Variants in SPECC1L observed in about 807,000 individuals in gnomAD.
SPECC1L encodes sperm antigen with calponin homology and coiled-coil domains 1 like, also known as cytospin-A.
SPECC1L carries 40 observed loss-of-function variants against 116.8 expected under a neutral mutation model. The observed-to-expected ratio is 0.34, with a 90% CI of 0.27 to 0.45. SPECC1L has a LOEUF of 0.45. Ranked by LOEUF, SPECC1L falls within the 20% of genes least tolerant of loss-of-function variation. The pLI is 1.00. For missense variants in SPECC1L, 1,110 were observed against 1,373.6 expected (o/e 0.81, Z 3.03); for synonymous variants, 504 against 500.6 (o/e 1.01, Z -0.09).
chr22:24,328,613 G>T (rs2040875772), intron 6 of SPECC1L, among the ~76,000 whole-genome samples: 1 of 152,170 alleles, frequency 6.6e-6, no homozygotes, highest in South Asian at 2.1e-4. Flanking sequence ...AGATACTGTG[G>T]AAGGAAGTGA....
chr22:24,414,497 C>T, intron 16 of SPECC1L, 37 bp from the exon 17 acceptor site: 1 of 1,581,050 alleles, frequency 6.3e-7, no homozygotes, highest in Non-Finnish European at 8.7e-7. Flanking sequence ...CTGGAGGTGA[C>T]CTGCAGTTCT....
chr22:24,349,699 G>A lies in SPECC1L; in HGVS notation c.2743+2523G>A, dbSNP rs2099443. Reference sequence around the variant, plus strand: ...AACCTTGGAGTCATCCTTAACTCCCGTCTTCATCTTAGACTTGTTCAGTTG... The same window carrying A: ...AACCTTGGAGTCATCCTTAACTCCCATCTTCATCTTAGACTTGTTCAGTTG... On this transcript the variant is annotated intron_variant, in intron 11 of 16. Transcript: ENST00000314328. Among the ~76,000 whole-genome samples the A allele has an allele frequency of 3.5e-3, 536 of 151,946 alleles. 1 individual carries two copies. The highest frequency in any genetic ancestry group is 0.01 in the Middle Eastern group (3 of 292).
At chr22:24,341,111 T>C (rs550843312) in intron 10 of SPECC1L, among the ~76,000 whole-genome samples, 19 of 152,150 alleles carry the variant, frequency 1.2e-4, no homozygotes, top group South Asian at 4.2e-4. Context: ...AGAAAACCAA[T>C]TGGATCTGAG....
chr22:24,389,817 G>A (rs1483545935), intron 14 of SPECC1L, among the ~76,000 whole-genome samples: 1 of 152,116 alleles, frequency 6.6e-6, no homozygotes, highest in Admixed American at 6.6e-5. Flanking sequence ...ATTGTATGAA[G>A]TATTAAGTAT....
chr22:24,354,355 T>A (rs2041485634), intron 11 of SPECC1L, among the ~76,000 whole-genome samples: 1 of 152,262 alleles, frequency 6.6e-6, no homozygotes, highest in Non-Finnish European at 1.5e-5. Flanking sequence ...AGTGGTGGTT[T>A]TCTATTTCCT....
intron 4 of SPECC1L, among the ~76,000 whole-genome samples, chr22:24,314,225 A>G (rs950396244): frequency 2.0e-4 from 30 of 151,086 alleles, no homozygotes; most frequent in African/African-American, 7.1e-4. Context: ...TGTTTTTTGT[A>G]TTTTTAGTAG....
intron 13 of SPECC1L, among the ~76,000 whole-genome samples, chr22:24,368,388 G>C (rs1424707242): frequency 6.6e-6 from 1 of 152,116 alleles, no homozygotes; most frequent in Non-Finnish European, 1.5e-5. Flanking sequence ...CCATTTTTGA[G>C]CAAGGCAAAA....
At chr22:24,368,752 T>G (rs2041819486) in intron 13 of SPECC1L, among the ~76,000 whole-genome samples, 1 of 152,190 alleles carries the variant, frequency 6.6e-6, no homozygotes, top group South Asian at 2.1e-4. Flanking sequence ...GTTCAAGTGA[T>G]TCTCCTGCCT....
chr22:24,405,174 C>A (rs535681147), intron 14 of SPECC1L, among the ~76,000 whole-genome samples: 2 of 152,286 alleles, frequency 1.3e-5, no homozygotes, highest in South Asian at 4.1e-4. Context: ...GAGCATGCTT[C>A]CTACCGTTGT....
chr22:24,332,943 A>C (rs1300885929), intron 8 of SPECC1L, among the ~76,000 whole-genome samples: 2 of 152,108 alleles, frequency 1.3e-5, no homozygotes, highest in Non-Finnish European at 2.9e-5. Flanking sequence ...TAAAAGTTCT[A>C]ATCAGCCGGG....
intron 11 of SPECC1L, among the ~76,000 whole-genome samples, chr22:24,349,623 T>C (rs1258705932): frequency 6.6e-6 from 1 of 152,234 alleles, no homozygotes; most frequent in Non-Finnish European, 1.5e-5. Flanking sequence ...AAACTTGTTC[T>C]ACATGTAATC....
In SPECC1L at chr22:24,338,260, A is replaced by G. The variant is rs2041103056; in HGVS notation, c.2561-126A>G. 9 of 909,540 alleles carry G rather than the reference A, an allele frequency of 9.9e-6. No homozygotes were observed. In the Admixed American group the frequency reaches 1.4e-4, roughly 14 times the overall value. 56.3% of individuals were successfully genotyped at this position (909,540 alleles called of 1,614,324 possible). On this transcript the variant is annotated intron_variant, in intron 9 of 16. Transcript: ENST00000314328. ...TACAAGTGTTCAGCAGAGGCTAGAC[A>G]TCAGCCAAGACAGTGTCCAGCGGGG...
rs1419498893 is a variant in SPECC1L at position 24,292,609 on chromosome 22, T to A, written c.-37-9586T>A. On this transcript the variant is annotated intron_variant, in intron 2 of 16. Transcript: ENST00000314328. ...AGCTTGAACTCAGGTCTCTTGACCT[T>A]TAAGTTCAGTTCTCTACTCACTGTA... Among the ~76,000 whole-genome samples the A allele has an allele frequency of 5.9e-5, 9 of 152,246 alleles. No homozygotes were observed. In the East Asian group the frequency reaches 1.7e-3, roughly 29 times the overall value.
chr22:24,286,691 A>C (rs902892704), intron 2 of SPECC1L, among the ~76,000 whole-genome samples: 23 of 152,318 alleles, frequency 1.5e-4, no homozygotes, highest in African/African-American at 5.3e-4. Context: ...TGTGTCACTG[A>C]TTAACTGACC....
intron 10 of SPECC1L, among the ~76,000 whole-genome samples, chr22:24,342,430 G>A (rs536155397): frequency 6.8e-4 from 103 of 152,170 alleles, no homozygotes; most frequent in Non-Finnish European, 1.3e-3. Context: ...CAGCACTTTG[G>A]GAGGCCAAGG....
At chr22:24,313,549 T>C in intron 4 of SPECC1L, 83 bp downstream of exon 4, 1 of 1,505,798 alleles carries the variant, frequency 6.6e-7, no homozygotes, top group Non-Finnish European at 9.2e-7. Flanking sequence ...GTGTTCCATC[T>C]AATTATAGGA....
At chr22:24,353,213 C>T (rs1182942498) in intron 11 of SPECC1L, among the ~76,000 whole-genome samples, 2 of 152,146 alleles carry the variant, frequency 1.3e-5, no homozygotes, top group Non-Finnish European at 2.9e-5. Flanking sequence ...CCACTAATGT[C>T]CTTTTTTAAT....
At chr22:24,360,943 G>A (rs1211601251) in intron 11 of SPECC1L, among the ~76,000 whole-genome samples, 1 of 152,148 alleles carries the variant, frequency 6.6e-6, no homozygotes, top group Admixed American at 6.5e-5. Flanking sequence ...TGTGATGCTT[G>A]CTTATGGGTT....
chr22:24,342,935 A>G (rs976265831), intron 10 of SPECC1L, among the ~76,000 whole-genome samples: 3 of 151,674 alleles, frequency 2.0e-5, no homozygotes, highest in Non-Finnish European at 2.9e-5. Flanking sequence ...GCTCACGCCT[A>G]TAATCCCAGC....
Sources: allele counts gnomAD v4.1 joint callset (sites outside exome capture counted in the v4.1 genomes callset), GRCh38; gene constraint gnomAD v4.1.1; transcripts MANE v1.5; gene names NCBI Gene and HGNC (gene_info 2026-07-23, HGNC 2026-07-21).